Variants in KCNN2 observed in about 807,000 individuals in gnomAD.
KCNN2 encodes the protein small conductance calcium-activated potassium channel protein 2.
Under a neutral mutation model 55.5 loss-of-function variants are expected in KCNN2, and 24 were observed. The ratio of observed to expected loss-of-function variants is 0.43; its 90% CI spans 0.31 to 0.61. The LOEUF is 0.61. Ranked by LOEUF, KCNN2 falls within the 20% of genes least tolerant of loss-of-function variation. KCNN2 has a pLI of 0.08. For missense variants in KCNN2, 754 were observed against 853.6 expected, an observed-to-expected ratio of 0.88 and a Z score of 1.45; for synonymous variants, 431 against 336.1, an observed-to-expected ratio of 1.28 and a Z score of -3.09.
chr5:114,271,327 T>C (rs1224547278), intron 2 of KCNN2, among the ~76,000 whole-genome samples: 2 of 152,156 alleles, frequency 1.3e-5, no homozygotes, highest in Admixed American at 6.6e-5. Flanking sequence ...AGAGTGCTGA[T>C]TGGTGTGTTT....
chr5:114,377,614 G>A (rs980755629), intron 2 of KCNN2, among the ~76,000 whole-genome samples: 4 of 152,126 alleles, frequency 2.6e-5, no homozygotes, highest in African/African-American at 4.8e-5. Flanking sequence ...CCCGAGGGAC[G>A]CCTTCTATCT....
intron 1 of KCNN2, among the ~76,000 whole-genome samples, chr5:114,134,530 C>T (rs2112616693): frequency 6.7e-6 from 1 of 150,220 alleles, no homozygotes; most frequent in East Asian, 2.0e-4. Context: ...GGCTGGAGTG[C>T]AGTGGTGCGA....
chr5:114,346,853 C>T (rs1165960930), intron 2 of KCNN2, among the ~76,000 whole-genome samples: 2 of 151,384 alleles, frequency 1.3e-5, no homozygotes, highest in South Asian at 4.2e-4. Context: ...AGTTAAGCCT[C>T]GAACATCTTG....
chr5:114,276,243 T>C (rs1755484904), intron 2 of KCNN2, among the ~76,000 whole-genome samples: 1 of 152,142 alleles, frequency 6.6e-6, no homozygotes, highest in Admixed American at 6.6e-5. Context: ...TGTGTTTTAC[T>C]TCCAAATATG....
intron 5 of KCNN2, among the ~76,000 whole-genome samples, chr5:114,486,276 A>G (rs889581468): frequency 2.6e-5 from 4 of 152,200 alleles, no homozygotes; most frequent in Non-Finnish European, 4.4e-5. Context: ...ATCAGATCCC[A>G]TAGTGTGAGC....
intron 1 of KCNN2, among the ~76,000 whole-genome samples, chr5:114,198,319 C>T (rs1433036423): frequency 1.3e-5 from 1 of 75,634 alleles, no homozygotes; most frequent in Non-Finnish European, 2.6e-5. Context: ...ACTTTTGCAC[C>T]AACCTCATAT....
At chr5:114,120,332 A>G (rs1751802397) in intron 1 of KCNN2, among the ~76,000 whole-genome samples, 1 of 152,146 alleles carries the variant, frequency 6.6e-6, no homozygotes, top group Admixed American at 6.5e-5. Context: ...ATAGGATTAC[A>G]CTGGAGTGAT....
chr5:114,316,980 T>A (rs1756513870), intron 2 of KCNN2, among the ~76,000 whole-genome samples: 1 of 152,254 alleles, frequency 6.6e-6, no homozygotes, highest in African/African-American at 2.4e-5. Context: ...GAGCTCATGC[T>A]AAGGCCCTTT....
intron 2 of KCNN2, among the ~76,000 whole-genome samples, chr5:114,248,004 T>A (rs1055543871): frequency 6.6e-6 from 1 of 152,202 alleles, no homozygotes; most frequent in African/African-American, 2.4e-5. Flanking sequence ...CCGTCCTGAC[T>A]TAGAACAGAA....
chr5:114,137,888 A>G (rs1301303592), intron 1 of KCNN2, among the ~76,000 whole-genome samples: 2 of 152,204 alleles, frequency 1.3e-5, no homozygotes, highest in African/African-American at 2.4e-5. Flanking sequence ...TGATGCCAGT[A>G]AAGTATTTGT....
intron 2 of KCNN2, among the ~76,000 whole-genome samples, chr5:114,278,310 C>T (rs181111768): frequency 6.6e-6 from 1 of 152,222 alleles, no homozygotes; most frequent in Non-Finnish European, 1.5e-5. Flanking sequence ...GGGTCAGGGA[C>T]CCACTTGAGG....
intron 5 of KCNN2, among the ~76,000 whole-genome samples, chr5:114,476,123 G>A (rs541696298): frequency 6.6e-6 from 1 of 151,424 alleles, no homozygotes; most frequent in East Asian, 2.0e-4. Flanking sequence ...TGCCATGCTG[G>A]TGCGCTGCAC....
At chr5:114,474,948 A>G (rs1004753697) in intron 5 of KCNN2, among the ~76,000 whole-genome samples, 4 of 152,158 alleles carry the variant, frequency 2.6e-5, no homozygotes, top group African/African-American at 9.6e-5. Context: ...ATGTTTGGGC[A>G]GACTTCTCCA....
intron 1 of KCNN2, among the ~76,000 whole-genome samples, chr5:114,116,026 A>G (rs1751702601): frequency 6.6e-6 from 1 of 152,102 alleles, no homozygotes; most frequent in African/African-American, 2.4e-5. Context: ...AGGAGGGAGA[A>G]TGCAGATCTA....
chr5:114,132,626 C>G (rs1185421758), intron 1 of KCNN2, among the ~76,000 whole-genome samples: 1 of 152,122 alleles, frequency 6.6e-6, no homozygotes, highest in Non-Finnish European at 1.5e-5. Context: ...AGCATAGACT[C>G]TAATGGTTCA....
intron 2 of KCNN2, among the ~76,000 whole-genome samples, chr5:114,388,430 T>C (rs555837339): frequency 6.6e-6 from 1 of 152,326 alleles, no homozygotes; most frequent in East Asian, 1.9e-4. Flanking sequence ...GTAACAATCT[T>C]TGGAGGCCTT....
At chr5:114,064,820 A>G (rs915711475) in intron 1 of KCNN2, among the ~76,000 whole-genome samples, 1 of 152,158 alleles carries the variant, frequency 6.6e-6, no homozygotes, top group Non-Finnish European at 1.5e-5. Flanking sequence ...TGTATATTAG[A>G]AGGGAAACAT....
chr5:114,101,464 T>C (rs547221257), intron 1 of KCNN2, among the ~76,000 whole-genome samples: 3 of 151,752 alleles, frequency 2.0e-5, no homozygotes, highest in Admixed American at 2.0e-4. Flanking sequence ...ACTTAAGTTC[T>C]GGGATACATG....
intron 1 of KCNN2, among the ~76,000 whole-genome samples, chr5:114,123,629 C>T (rs538876179): frequency 3.1e-5 from 2 of 63,718 alleles, no homozygotes; most frequent in South Asian, 6.8e-4. Flanking sequence ...TCCCAAAGTG[C>T]TGGGATTACA....
Sources: allele counts gnomAD v4.1 joint callset (sites outside exome capture counted in the v4.1 genomes callset), GRCh38; gene constraint gnomAD v4.1.1; transcripts MANE v1.5; gene names NCBI Gene and HGNC (gene_info 2026-07-23, HGNC 2026-07-21).